DENND1A: variants seen among roughly 807,000 people sequenced by gnomAD.
DENND1A encodes the protein DENN domain containing 1A, also known as DENN domain-containing protein 1A.
A neutral mutation model predicts 113.7 loss-of-function variants in DENND1A; 51 were observed. That is an observed-to-expected ratio of 0.45 (90% confidence interval 0.36 to 0.57). The LOEUF (loss-of-function observed/expected upper bound fraction) is 0.57. Among genes scored for constraint, DENND1A ranks in the 20% least tolerant of loss-of-function variants. DENND1A has a pLI of 0.00. For synonymous variants in DENND1A, 565 were observed against 570.8 expected, an observed-to-expected ratio of 0.99 and a Z score of 0.14; for missense variants, 1,258 against 1,395.9, an observed-to-expected ratio of 0.90 and a Z score of 1.57.
At chr9:123,516,883 TCAAAAAAAAAAAAAAAA>T (rs1482497012) in intron 13 of DENND1A, among the ~76,000 whole-genome samples, 10 of 27,642 alleles carry the variant, frequency 3.6e-4, no homozygotes, top group African/African-American at 2.8e-3. Flanking sequence ...AGACTCTGTC[TCAAAAAAAAAAAAAAAA>T]AAAAAAAAAA....
intron 4 of DENND1A, among the ~76,000 whole-genome samples, chr9:123,759,066 G>A (rs533183256): frequency 6.6e-6 from 1 of 152,290 alleles, no homozygotes; most frequent in African/African-American, 2.4e-5. Flanking sequence ...CTCCCAAAGT[G>A]CTGGGATTAC....
At chr9:123,857,844 G>A (rs1269165345) in intron 2 of DENND1A, among the ~76,000 whole-genome samples, 1 of 152,022 alleles carries the variant, frequency 6.6e-6, no homozygotes, top group Non-Finnish European at 1.5e-5. Context: ...TGGATCACGA[G>A]GTCAGGAGAT....
chr9:123,688,850 T>C (rs2064991952), intron 5 of DENND1A, among the ~76,000 whole-genome samples: 1 of 152,160 alleles, frequency 6.6e-6, no homozygotes, highest in Non-Finnish European at 1.5e-5. Context: ...TGCTTTATTA[T>C]AAGCCATGAA....
intron 5 of DENND1A, among the ~76,000 whole-genome samples, chr9:123,742,183 C>A (rs2069086897): frequency 6.6e-6 from 1 of 151,798 alleles, no homozygotes; most frequent in Admixed American, 6.6e-5. Flanking sequence ...GCCATGTAGT[C>A]CTATTAAAGA....
chr9:123,422,457 T>C lies in DENND1A; in HGVS notation c.1489-10628A>G, dbSNP rs2045380901. On this transcript the variant is annotated intron_variant, in intron 19 of 23. Transcript: ENST00000394215. The surrounding 1 kb of genome is among the most constrained non-coding windows in gnomAD (Gnocchi z 4.8). ...AGCTTAGATATGAAATATCCCAAAA[T>C]TTCCCTAGTGTGTCTGTTAAAGAAA... Among the ~76,000 whole-genome samples, 1 of 151,924 alleles carries C rather than the reference T, an allele frequency of 6.6e-6. No individual in the cohort carries two copies. The highest frequency in any genetic ancestry group is 2.4e-5 in the African/African-American group (1 of 41,346).
intron 21 of DENND1A, among the ~76,000 whole-genome samples, chr9:123,402,103 A>G (rs754918867): frequency 2.0e-5 from 3 of 152,368 alleles, no homozygotes; most frequent in Admixed American, 6.5e-5. Flanking sequence ...CGTTCTCTCC[A>G]TAAGGGGGCA....
chr9:123,884,027 A>C (rs975609828), intron 1 of DENND1A, among the ~76,000 whole-genome samples: 4 of 152,210 alleles, frequency 2.6e-5, no homozygotes, highest in African/African-American at 9.6e-5. Flanking sequence ...AATATACATC[A>C]GTTATTTTAA....
At chr9:123,611,763 CA>C (rs1449257276) in intron 10 of DENND1A, among the ~76,000 whole-genome samples, 2 of 152,228 alleles carry the variant, frequency 1.3e-5, no homozygotes, top group Non-Finnish European at 2.9e-5. Context: ...ATATGTATAG[CA>C]AAACCCCTCT....
intron 13 of DENND1A, among the ~76,000 whole-genome samples, chr9:123,483,151 G>A (rs1275160517): frequency 6.6e-6 from 1 of 152,132 alleles, no homozygotes; most frequent in Non-Finnish European, 1.5e-5. Context: ...AGAGTTGATG[G>A]ATCTAGCCGA....
chr9:123,674,368 A>T (rs1234739024), intron 6 of DENND1A, among the ~76,000 whole-genome samples: 2 of 151,052 alleles, frequency 1.3e-5, no homozygotes, highest in East Asian at 2.0e-4. Context: ...ACACACACAC[A>T]CACACACACA....
chr9:123,520,477 C>T (rs964648538), intron 13 of DENND1A, among the ~76,000 whole-genome samples: 3 of 152,108 alleles, frequency 2.0e-5, no homozygotes, highest in Non-Finnish European at 2.9e-5. Context: ...ATTTTTGCTG[C>T]CTTTGGAAAT....
At chr9:123,827,863 G>A (rs920766539) in intron 2 of DENND1A, among the ~76,000 whole-genome samples, 1 of 152,180 alleles carries the variant, frequency 6.6e-6, no homozygotes, top group African/African-American at 2.4e-5. Context: ...AAGGGGATGA[G>A]ACAATTGCTA....
chr9:123,916,039 C>T (rs954749528), intron 1 of DENND1A, among the ~76,000 whole-genome samples: 3 of 151,966 alleles, frequency 2.0e-5, no homozygotes, highest in Non-Finnish European at 2.9e-5. Context: ...AAAAATCTAT[C>T]GCAATGGTAT....
chr9:123,466,980 C>T (rs542063355), intron 13 of DENND1A, among the ~76,000 whole-genome samples: 6 of 151,928 alleles, frequency 3.9e-5, no homozygotes, highest in East Asian at 3.9e-4. Flanking sequence ...GAGCCCAGGG[C>T]GTCAAGCCTG....
intron 1 of DENND1A, among the ~76,000 whole-genome samples, chr9:123,893,507 C>T (rs904822944): frequency 6.6e-6 from 1 of 152,044 alleles, no homozygotes; most frequent in African/African-American, 2.4e-5. Flanking sequence ...ACCCACATGC[C>T]CCCACATTTT....
At chr9:123,671,066 C>T (rs1045383387) in intron 7 of DENND1A, among the ~76,000 whole-genome samples, 2 of 152,018 alleles carry the variant, frequency 1.3e-5, no homozygotes, top group Non-Finnish European at 2.9e-5. Context: ...ATGATGGCCA[C>T]AGAGGAGGGT....
At chr9:123,584,812 C>T (rs904169359) in intron 11 of DENND1A, among the ~76,000 whole-genome samples, 1 of 152,086 alleles carries the variant, frequency 6.6e-6, no homozygotes, top group East Asian at 1.9e-4. Flanking sequence ...GACTGACCTC[C>T]GCACAGCCCT....
chr9:123,686,027 A>G (rs768716536), intron 5 of DENND1A, among the ~76,000 whole-genome samples: 35 of 152,046 alleles, frequency 2.3e-4, no homozygotes, highest in Admixed American at 7.2e-4. Context: ...AAAGGAAGAA[A>G]TGGCTACATG....
chr9:123,891,148 A>C lies in DENND1A; in HGVS notation c.18-12127T>G, dbSNP rs116122709. Among the ~76,000 whole-genome samples the C allele has an allele frequency of 3.3e-3, 500 of 152,278 alleles. 4 individuals are homozygous for C. The highest frequency in any genetic ancestry group is 0.012 in the African/African-American group (479 of 41,560). ...TCCAGAGAGCTCACAACCTGACTTC[A>C]GGGAGATCCAGAATTACAGAGTGGT... On this transcript the variant is annotated intron_variant, in intron 1 of 23. Transcript: ENST00000394215.
Sources: gnomAD v4.1 joint callset for allele counts (sites outside exome capture counted in the v4.1 genomes callset) on GRCh38, gnomAD v4.1.1 for gene constraint, Gnocchi (gnomAD v3.1) non-coding constraint, MANE v1.5 for transcripts, NCBI Gene and HGNC (gene_info 2026-07-23, HGNC 2026-07-21) for gene names.